ANKAR: variants seen among roughly 807,000 people sequenced by gnomAD.
The protein encoded by ANKAR is ankyrin and armadillo repeat containing, also known as ankyrin and armadillo repeat-containing protein.
In ANKAR, 136 loss-of-function variants were observed where a neutral mutation model predicts 146.2. That is an observed-to-expected ratio of 0.93 (90% confidence interval 0.81 to 1.07). The LOEUF is 1.07. Ranked by LOEUF, ANKAR falls within the 50% of genes least tolerant of loss-of-function variation. The pLI is 0.00. For missense variants in ANKAR, 1,567 were observed against 1,679.9 expected (o/e 0.93, Z 1.18); for synonymous variants, 500 against 575.8 (o/e 0.87, Z 1.88).
chr2:189,732,350 A>G (rs2042483147), intron 16 of ANKAR, among the ~76,000 whole-genome samples: 1 of 152,120 alleles, frequency 6.6e-6, no homozygotes, highest in Non-Finnish European at 1.5e-5. Context: ...ACTACTCCCC[A>G]AAGTTTTGCT....
chr2:189,743,989 C>T (rs916577473), intron 21 of ANKAR, among the ~76,000 whole-genome samples: 3 of 152,104 alleles, frequency 2.0e-5, no homozygotes, highest in Admixed American at 6.6e-5. Context: ...AAACTTAACT[C>T]CCCCCAAAAA....
At chr2:189,753,214 T>C (rs1385547641) in intron 18 of ANKAR, 5 of 269,840 alleles carry the variant, frequency 1.9e-5, no homozygotes, top group Non-Finnish European at 2.8e-5. Context: ...CAACCTTTCA[T>C]CTAAATATTT....
intron 7 of ANKAR, among the ~76,000 whole-genome samples, chr2:189,699,078 A>C (rs773802075): frequency 1.3e-5 from 2 of 152,346 alleles, no homozygotes; most frequent in East Asian, 3.9e-4. Flanking sequence ...TGTTAGCCAC[A>C]GTTTCCTAAC....
chr2:189,685,512 A>C (rs1025464646), intron 2 of ANKAR, among the ~76,000 whole-genome samples: 1 of 151,510 alleles, frequency 6.6e-6, no homozygotes, highest in African/African-American at 2.4e-5. Flanking sequence ...TTCCTTTAGC[A>C]CCCCTCCCTG....
At chr2:189,748,597 A>G (rs1221740476), downstream of ANKAR, among the ~76,000 whole-genome samples, 1 of 152,220 alleles carries the variant, frequency 6.6e-6, no homozygotes, top group Non-Finnish European at 1.5e-5. Flanking sequence ...CTGAGTCACA[A>G]CTTTCTGGTG....
At chr2:189,742,256 AACTACAGGT>A (rs1325600071) in intron 20 of ANKAR, among the ~76,000 whole-genome samples, 1 of 152,210 alleles carries the variant, frequency 6.6e-6, no homozygotes, top group African/African-American at 2.4e-5. Flanking sequence ...CCAGCAGCTG[AACTACAGGT>A]CCAGGGTTCA....
At chr2:189,725,793 A>G (rs1203208692) in intron 12 of ANKAR, among the ~76,000 whole-genome samples, 1 of 152,154 alleles carries the variant, frequency 6.6e-6, no homozygotes, top group Non-Finnish European at 1.5e-5. Context: ...CTGTATTCCC[A>G]GCTACTTGGG....
rs1248922615 is a variant in ANKAR at position 189,728,336 on chromosome 2, C to T, written c.2947C>T (p.Gln983Ter). Reference sequence around the variant, plus strand: ...GGCCTTGGCAGGACAAACACTAAAACAACAAAAATATATGGCAGAACAAAT... The same window carrying T: ...GGCCTTGGCAGGACAAACACTAAAATAACAAAAATATATGGCAGAACAAAT... The part of the protein sequence containing the change: ...LWALAGQTLK[Q>*]QKYMAEQIGY... Residue 983 changes from glutamine to a stop codon, truncating the protein, a stop_gained, in exon 14 of 23, where the codon CAA (glutamine) becomes TAA (stop). Transcript: ENST00000684021. LOFTEE classifies it high-confidence loss of function. 2 of 1,613,268 alleles carry T rather than the reference C, an allele frequency of 1.2e-6. No individual in the cohort carries two copies.
At chr2:189,760,065 G>A (rs560684788) in intron 18 of ANKAR, among the ~76,000 whole-genome samples, 3 of 152,304 alleles carry the variant, frequency 2.0e-5, no homozygotes, top group South Asian at 2.1e-4. Context: ...CAGAGAGCAC[G>A]GGGTTGGGGG....
At chr2:189,694,738 G>GC (rs906986017) in intron 5 of ANKAR, among the ~76,000 whole-genome samples, 2 of 152,104 alleles carry the variant, frequency 1.3e-5, no homozygotes, top group Non-Finnish European at 2.9e-5. Flanking sequence ...TTTAGACATT[G>GC]CCCCAGATCA....
rs1360683742 is a variant in ANKAR, at chr2:189,707,038, A to G, written c.2011A>G (p.Lys671Glu). ...IGANWRKTDI[K>E]GNNIIHLSVL... is the part of the protein sequence containing the mutation. ...TGCTAACTGGAGAAAAACAGATATT[A>G]AAGGAAATAATATAATCCATTTATC... The change falls in exon 9 of 23, where the codon AAA (lysine) becomes GAA (glutamate). Residue 671 changes from lysine (K) to glutamate (E), a missense_variant. By Grantham distance (56) the Lys-to-Glu change is moderately conservative (BLOSUM62 1). Coordinates refer to ENST00000684021, the MANE Select transcript of ANKAR (RefSeq NM_001378068.1). The G allele has an allele frequency of 3.1e-6, 5 of 1,612,898 alleles. No homozygotes were observed. Among genetic ancestry groups the G allele is most frequent in the African/African-American group, 2.7e-5 (2 of 74,910 alleles).
At chr2:189,730,744 C>CAAAAAT (rs998660135) in intron 16 of ANKAR, 143 bp downstream of exon 16, 2 of 417,106 alleles carry the variant, frequency 4.8e-6, no homozygotes, top group African/African-American at 4.2e-5. Flanking sequence ...AGAAATAAGC[C>CAAAAAT]AAAAATAAAA....
Position 189,722,271 on chromosome 2 carries a change from G to A in ANKAR, c.2635+1484G>A, listed in dbSNP as rs532512133. On this transcript the variant is annotated intron_variant, in intron 12 of 22. Coordinates refer to ENST00000684021, the MANE Select transcript of ANKAR (RefSeq NM_001378068.1). Reference sequence around the variant, plus strand: ...GGAGAATTGCCTGAACCCGAGAGGCGGAGGTTGCAGTGGGCTGAGATTGTA... The same window carrying A: ...GGAGAATTGCCTGAACCCGAGAGGCAGAGGTTGCAGTGGGCTGAGATTGTA... Among the ~76,000 whole-genome samples, 63 of 146,402 alleles carry A rather than the reference G, an allele frequency of 4.3e-4. 1 individual carries two copies. In the South Asian group the frequency reaches 5.5e-3, roughly 13 times the overall value.
chr2:189,716,426 A>G (rs1485962279), intron 10 of ANKAR, among the ~76,000 whole-genome samples: 3 of 152,178 alleles, frequency 2.0e-5, no homozygotes, highest in African/African-American at 7.2e-5. Context: ...ACCACTGCTC[A>G]ATGAAATAAA....
chr2:189,716,327 C>T (rs1022604479), intron 10 of ANKAR, among the ~76,000 whole-genome samples: 23 of 152,160 alleles, frequency 1.5e-4, no homozygotes, highest in African/African-American at 5.3e-4. Flanking sequence ...CATGAGTGAA[C>T]TCCCATTCAC....
At chr2:189,681,783 A>G (rs533477936) in intron 2 of ANKAR, among the ~76,000 whole-genome samples, 3 of 152,300 alleles carry the variant, frequency 2.0e-5, no homozygotes, top group African/African-American at 4.8e-5. Context: ...CAGTTTGCCA[A>G]TTGAGGGTTC....
chr2:189,750,065 T>A (rs1451105927), downstream of ANKAR, among the ~76,000 whole-genome samples: 1 of 152,092 alleles, frequency 6.6e-6, no homozygotes, highest in African/African-American at 2.4e-5. Context: ...AGAGGTTGCA[T>A]GCAGTAAGCT....
intron 3 of ANKAR, 134 bp from the exon 4 acceptor site, chr2:189,692,121 A>C: frequency 1.4e-6 from 1 of 693,020 alleles, no homozygotes; most frequent in Non-Finnish European, 2.3e-6. Context: ...AATTTTATGC[A>C]CTATAATTGC....
downstream of ANKAR, among the ~76,000 whole-genome samples, chr2:189,747,736 A>G (rs1282242672): frequency 6.6e-6 from 1 of 152,208 alleles, no homozygotes; most frequent in Non-Finnish European, 1.5e-5. Context: ...TCTGTCACCC[A>G]GGCTGGAGTG....
Sources: allele counts gnomAD v4.1 joint callset (sites outside exome capture counted in the v4.1 genomes callset), GRCh38; gene constraint gnomAD v4.1.1; transcripts MANE v1.5; gene names NCBI Gene and HGNC (gene_info 2026-07-23, HGNC 2026-07-21).